The following VANGL2 variants were observed in gnomAD, a reference collection of about 807,000 sequenced individuals.
VANGL2 encodes the protein vang-like protein 2.
A neutral mutation model predicts 50.2 loss-of-function variants in VANGL2; 14 were observed. The ratio of observed to expected loss-of-function variants is 0.28; its 90% CI spans 0.18 to 0.44. VANGL2 has a LOEUF of 0.44. Among genes scored for constraint, VANGL2 ranks in the 20% least tolerant of loss-of-function variants. The pLI, the probability that VANGL2 is intolerant of heterozygous loss-of-function variation, is 1.00. For missense variants in VANGL2, 533 were observed against 701.5 expected, an observed-to-expected ratio of 0.76 and a Z score of 2.71; for synonymous variants, 295 against 297.2, an observed-to-expected ratio of 0.99 and a Z score of 0.08.
At chr1:160,410,936 A>C (rs1439421888) in intron 1 of VANGL2, among the ~76,000 whole-genome samples, 1 of 151,814 alleles carries the variant, frequency 6.6e-6, no homozygotes, top group Non-Finnish European at 1.5e-5. Flanking sequence ...CCCGGCTGCC[A>C]TCACCTAGGC....
At chr1:160,415,498 A>C (rs1420918862) in intron 1 of VANGL2, 150 bp from the exon 2 acceptor site, 1 of 367,388 alleles carries the variant, frequency 2.7e-6, no homozygotes, top group African/African-American at 2.1e-5. Context: ...AACTGGGCCC[A>C]GTGGACAGCA....
chr1:160,420,453 T>G lies in VANGL2; in HGVS notation c.843T>G (p.His281Gln), dbSNP rs1355837267. The G allele has an allele frequency of 6.2e-7, 1 of 1,613,662 alleles. No individual in the cohort carries two copies. The highest frequency in any genetic ancestry group is 1.3e-5 in the African/African-American group (1 of 74,760). The change falls in exon 5 of 8, where the codon CAT (histidine) becomes CAG (glutamine). Residue 281 changes from histidine to glutamine, a missense_variant. By Grantham distance (24) the His-to-Gln change is conservative. Transcript: ENST00000368061. ...VAVWILEKYY[H>Q]DFPVYNPALL... ...TGTGGATCCTGGAGAAGTATTACCA[T>G]GACTTCCCTGTCTACAACCCTGCCC...
rs910387667 is a variant in VANGL2, at chr1:160,419,878, G to A, written c.800+269G>A. On this transcript the variant is annotated intron_variant, in intron 4 of 7. Transcript: ENST00000368061. This position sits in a 1 kb window ranked among gnomAD's most constrained non-coding sequence, Gnocchi z 5.8. ...TTTAGAGGTAGGGAATATTAGAGGG[G>A]GATGGACCAAAGGGAAGAAATATGG... is the stretch of plus-strand genomic sequence containing the variant. Among the ~76,000 whole-genome samples the A allele has an allele frequency of 1.4e-5, 2 of 144,364 alleles. No homozygotes were observed. The highest frequency in any genetic ancestry group is 2.5e-5 in the African/African-American group (1 of 39,462). 94.7% of individuals were successfully genotyped at this position (144,364 alleles called of 152,430 possible). A position where few individuals can be genotyped will look rare whatever the true frequency, so the allele number is the denominator to read the frequency against.
At position 160,427,464 on chromosome 1, in the gene VANGL2, G is replaced by T. The variant is rs1324739; in HGVS notation, c.*2086G>T. ...TCCCCTTTCCTAAAAAAAATTTTTT[G>T]CCTCCAACTCTCTAAGCACTAAGGG... On this transcript the variant is annotated 3_prime_UTR_variant, in exon 8 of 8. Coordinates refer to ENST00000368061, the MANE Select transcript of VANGL2 (RefSeq NM_020335.3). The T allele has an allele frequency of 0.98, 149,969 of 152,400 alleles. 73,803 individuals are homozygous for T. The highest frequency in any genetic ancestry group is 1 in the Middle Eastern group (294 of 294). The allele number at this position is 152,400 out of a possible 1,614,324, so 9.4% of individuals were successfully genotyped here. A position where few individuals can be genotyped will look rare whatever the true frequency, so the allele number is the denominator to read the frequency against.
chr1:160,413,297 T>C (rs1650944274), intron 1 of VANGL2, among the ~76,000 whole-genome samples: 1 of 151,962 alleles, frequency 6.6e-6, no homozygotes, highest in Non-Finnish European at 1.5e-5. Flanking sequence ...TTTTTTTTTT[T>C]TGAGACGGAG....
chr1:160,422,868 T>A (rs1651318126), intron 6 of VANGL2, among the ~76,000 whole-genome samples: 1 of 151,944 alleles, frequency 6.6e-6, no homozygotes, highest in Non-Finnish European at 1.5e-5. Context: ...AGTGTAGTGA[T>A]CTTTGTTGGT....
chr1:160,401,472 C>T (rs972947905), intron 1 of VANGL2, among the ~76,000 whole-genome samples: 3 of 152,046 alleles, frequency 2.0e-5, no homozygotes, highest in Admixed American at 2.0e-4. Context: ...CCTCTCCCCA[C>T]TCATATTTAC....
intron 3 of VANGL2, among the ~76,000 whole-genome samples, chr1:160,418,066 C>T (rs904638158): frequency 1.3e-5 from 2 of 152,122 alleles, no homozygotes; most frequent in African/African-American, 4.8e-5. Context: ...CATGTGCCAC[C>T]ACACCCAGCT....
intron 1 of VANGL2, among the ~76,000 whole-genome samples, chr1:160,404,552 A>C (rs1650587789): frequency 6.6e-6 from 1 of 152,092 alleles, no homozygotes; most frequent in African/African-American, 2.4e-5. Flanking sequence ...TACCCATTAC[A>C]CAATTGTCGC....
At chr1:160,402,091 G>T (rs774216263) in intron 1 of VANGL2, among the ~76,000 whole-genome samples, 11 of 152,172 alleles carry the variant, frequency 7.2e-5, no homozygotes, top group Admixed American at 2.0e-4. Flanking sequence ...AGACCTATGG[G>T]TGGGAGGGAA....
At chr1:160,413,749 T>C (rs1449086633) in intron 1 of VANGL2, among the ~76,000 whole-genome samples, 2 of 152,128 alleles carry the variant, frequency 1.3e-5, no homozygotes. Context: ...GGGTCCTTTA[T>C]GTCCATGGAA....
At chr1:160,407,634 G>A (rs1406859638) in intron 1 of VANGL2, among the ~76,000 whole-genome samples, 2 of 152,194 alleles carry the variant, frequency 1.3e-5, no homozygotes, top group African/African-American at 4.8e-5. Context: ...AGGGACAGTT[G>A]GGGCCTACCT....
In VANGL2 at chr1:160,425,025, C is replaced by T. The variant is rs187115961; in HGVS notation, c.1306-93C>T. 173 of 1,577,722 alleles carry T rather than the reference C, an allele frequency of 1.1e-4. 2 individuals carry two copies. The highest frequency in any genetic ancestry group is 6.5e-4 in the Admixed American group (39 of 59,616). ...CATATGCATAGAGTGAGCTCAGGGA[C>T]GTCCTTCTTGTCTTTGGAAACTATG... On this transcript the variant is annotated intron_variant, in intron 7 of 7. Coordinates refer to ENST00000368061, the MANE Select transcript of VANGL2 (RefSeq NM_020335.3).
chr1:160,405,536 T>A (rs1232218904), intron 1 of VANGL2, among the ~76,000 whole-genome samples: 2 of 152,130 alleles, frequency 1.3e-5, no homozygotes, highest in East Asian at 3.8e-4. Flanking sequence ...AGATTGGTAA[T>A]TATAGACATA....
chr1:160,414,375 A>G (rs1650983078), intron 1 of VANGL2, among the ~76,000 whole-genome samples: 4 of 152,030 alleles, frequency 2.6e-5, no homozygotes, highest in Admixed American at 2.6e-4. Context: ...GCCTTCACAC[A>G]TGTGATTCCT....
At chr1:160,421,233 A>C in intron 6 of VANGL2, 46 bp downstream of exon 6, 4 of 1,608,894 alleles carry the variant, frequency 2.5e-6, no homozygotes, top group Non-Finnish European at 3.4e-6. Flanking sequence ...TGTTGGGTGA[A>C]TGGGGAGAGG....
Position 160,414,572 on chromosome 1 carries a change from A to G in VANGL2, c.-190-1076A>G, listed in dbSNP as rs367870111. On this transcript the variant is annotated intron_variant, in intron 1 of 7. Transcript: ENST00000368061. ...CCATCATGCCTGCAATCGGTCGTTTATACTTATCTGCTTACTTGTTTGGTG... is the reference window on the plus strand; with the variant it reads ...CCATCATGCCTGCAATCGGTCGTTTGTACTTATCTGCTTACTTGTTTGGTG... 5.9e-5 allele frequency among the ~76,000 whole-genome samples: 9 copies of G among 152,164 alleles called. No individual in the cohort carries two copies. The South Asian group carries it at 1.9e-3, about 32-fold the overall frequency.
chr1:160,407,749 T>A (rs1480623540), intron 1 of VANGL2, among the ~76,000 whole-genome samples: 12 of 152,116 alleles, frequency 7.9e-5, no homozygotes, highest in Admixed American at 7.9e-4. Flanking sequence ...GTCCACCCTC[T>A]CCCTGAAGAC....
In VANGL2 at chr1:160,425,444, C is replaced by G. The variant is rs1651418134; in HGVS notation, c.*66C>G. On this transcript the variant is annotated 3_prime_UTR_variant, in exon 8 of 8. Coordinates refer to ENST00000368061, the MANE Select transcript of VANGL2 (RefSeq NM_020335.3). ...TGAGGGGGTGGGAGGGGGCTTGGTT[C>G]TCAGGCCCAGCCACATTCCTGCCAC... The G allele has an allele frequency of 2.8e-6, 3 of 1,079,284 alleles. No individual in the cohort carries two copies. In the African/African-American group the frequency reaches 5.0e-5, roughly 18 times the overall value. 66.9% of individuals were successfully genotyped at this position (1,079,284 alleles called of 1,614,324 possible).
Sources: gnomAD v4.1 joint callset for allele counts (sites outside exome capture counted in the v4.1 genomes callset) on GRCh38, gnomAD v4.1.1 for gene constraint, Gnocchi (gnomAD v3.1) non-coding constraint, MANE v1.5 for transcripts, NCBI Gene and HGNC (gene_info 2026-07-23, HGNC 2026-07-21) for gene names.